PTGIR: variants seen among roughly 807,000 people sequenced by gnomAD.
PTGIR encodes the protein prostaglandin I2 receptor.
In PTGIR, 16 loss-of-function variants were observed where a neutral mutation model predicts 17.6. The observed-to-expected ratio is 0.91, with a 90% CI of 0.61 to 1.38. The LOEUF is 1.38. Among genes scored for constraint, PTGIR ranks in the 40% most tolerant of loss-of-function variants. The pLI is 0.00. For missense variants in PTGIR, 532 were observed against 548.6 expected (o/e 0.97, Z 0.30); for synonymous variants, 274 against 255.4 (o/e 1.07, Z -0.69).
downstream of PTGIR, among the ~76,000 whole-genome samples, chr19:46,619,658 G>GAAAGA (rs1568675972): frequency 3.0e-3 from 340 of 114,290 alleles, 2 homozygotes; most frequent in South Asian, 5.3e-3. Context: ...AGAAAGAAAA[G>GAAAGA]AAAGAAAGAA....
chr19:46,619,547 AAGAGAGAGAG>A (rs200797814), downstream of PTGIR, among the ~76,000 whole-genome samples: 277 of 87,866 alleles, frequency 3.2e-3, 5 homozygotes, highest in African/African-American at 9.5e-3. Flanking sequence ...GAAAGAAAGA[AAGAGAGAGAG>A]AGAGAGAGAG....
rs1373951903 is a variant in PTGIR, at chr19:46,621,401, A to G, written c.1040T>C (p.Val347Ala). ...SAPVGKEGSC[V>A]PLSAWGEGQV... ...CCCCTCGCCCCAAGCCGACAAAGGC[A>G]CGCAGCTCCCCTCCTTTCCCACAGG... The change falls in exon 3 of 3, where the codon GTG (valine) becomes GCG (alanine). Residue 347 changes from valine to alanine, a missense_variant. Transcript: ENST00000291294. This position sits in a 1 kb window ranked among gnomAD's most constrained non-coding sequence, Gnocchi z 4.8. 1 of 1,602,298 alleles carries G rather than the reference A, an allele frequency of 6.2e-7. No individual in the cohort carries two copies. The highest frequency in any genetic ancestry group is 1.3e-5 in the African/African-American group (1 of 74,772).
At position 46,620,761 on chromosome 19, in the gene PTGIR, T is replaced by C. The variant is rs774408162; in HGVS notation, c.*519A>G. ...TTTGGGATGCCAGGGCTCCCAAGCCTGGTGGGGGACCAGCGGCAAGGGAAG... is the reference window on the plus strand; with the variant it reads ...TTTGGGATGCCAGGGCTCCCAAGCCCGGTGGGGGACCAGCGGCAAGGGAAG... On this transcript the variant is annotated 3_prime_UTR_variant, in exon 3 of 3. Coordinates refer to ENST00000291294, the MANE Select transcript of PTGIR (RefSeq NM_000960.4). 2.3e-5 allele frequency: 23 copies of C among 985,944 alleles called. No homozygotes were observed. Among genetic ancestry groups the C allele is most frequent in the Non-Finnish European group, 2.8e-5 (23 of 830,074 alleles). The allele number at this position is 985,944 out of a possible 1,614,324, so 61.1% of individuals were successfully genotyped here.
chr19:46,612,659 C>A, the PTGIR span, among the ~76,000 whole-genome samples: 2 of 152,216 alleles, frequency 1.3e-5, no homozygotes, highest in African/African-American at 4.8e-5. Flanking sequence ...AACAGACAGA[C>A]TTCAGGCAGG....
chr19:46,624,085 C>T lies in PTGIR; in HGVS notation c.141G>A (p.Ser47=), dbSNP rs767830404. ...GTCCGGTCACCAGCACCGCGAAGGCCGAGGGGCGCGCCGGTCGCCGTGCGC... is the reference window on the plus strand; with the variant it reads ...GTCCGGTCACCAGCACCGCGAAGGCTGAGGGGCGCGCCGGTCGCCGTGCGC... ...ILSARRPARP[S]AFAVLVTGLA... is the part of the protein sequence containing the mutation. Residue 47 remains serine (S), a synonymous_variant, in exon 2 of 3, where the codon TCG becomes TCA. Transcript: ENST00000291294. 9.7e-6 allele frequency: 15 copies of T among 1,541,062 alleles called. No individual in the cohort carries two copies. The highest frequency in any genetic ancestry group is 1.2e-5 in the Non-Finnish European group (14 of 1,148,608).
rs376748701 is a variant in PTGIR at position 46,623,188 on chromosome 19, G to T, written c.768+270C>A. The stretch of plus-strand genomic sequence containing the variant: ...TTTGTTGTATTTTTAGTAGAGACAG[G>T]GTTTCATCATGTTGGCCAGACTGGT... On this transcript the variant is annotated intron_variant, in intron 2 of 2. Transcript: ENST00000291294. The T allele has an allele frequency of 8.8e-5, 29 of 328,746 alleles. No individual in the cohort carries two copies. In the South Asian group the frequency reaches 9.6e-4, roughly 11 times the overall value. 20.4% of individuals were successfully genotyped at this position (328,746 alleles called of 1,614,324 possible). A position where few individuals can be genotyped will look rare whatever the true frequency, so the allele number is the denominator to read the frequency against.
chr19:46,611,441 G>A, the PTGIR span, among the ~76,000 whole-genome samples: 1 of 152,224 alleles, frequency 6.6e-6, no homozygotes, highest in African/African-American at 2.4e-5. Flanking sequence ...GAAAGGCATG[G>A]TCCTGAGCTC....
chr19:46,619,497 AAAAGAAAGAAAGAAAG>A (rs1176986063), downstream of PTGIR, among the ~76,000 whole-genome samples: 47 of 110,552 alleles, frequency 4.3e-4, no homozygotes, highest in Middle Eastern at 4.0e-3. Context: ...TCTGTCTCAA[AAAAGAAAGAAAGAAAG>A]AAAGAAAGAA....
At chr19:46,619,202 AG>A (rs1568674977), downstream of PTGIR, among the ~76,000 whole-genome samples, 3 of 152,054 alleles carry the variant, frequency 2.0e-5, no homozygotes, top group Non-Finnish European at 4.4e-5. Flanking sequence ...TTCTGTAGAA[AG>A]GACTTATTGC....
chr19:46,624,112 CA>C lies in PTGIR; in HGVS notation c.113del (p.Leu38ArgfsTer16). 1 of 1,539,308 alleles carries C rather than the reference CA, an allele frequency of 6.5e-7. No individual in the cohort carries two copies. The highest frequency in any genetic ancestry group is 8.7e-7 in the Non-Finnish European group (1 of 1,149,212). ...VVGNGLALGI[L>X]SARRPARPSA... The stretch of plus-strand genomic sequence containing the variant: ...AGGGGCGCGCCGGTCGCCGTGCGCT[CA>C]GGATGCCCAGGGCCAGCCCGTTGCC... On this transcript the variant is annotated frameshift_variant, in exon 2 of 3. Coordinates refer to ENST00000291294, the MANE Select transcript of PTGIR (RefSeq NM_000960.4). LOFTEE classifies it high-confidence loss of function.
the PTGIR span, among the ~76,000 whole-genome samples, chr19:46,613,813 T>A: frequency 6.6e-6 from 1 of 152,146 alleles, no homozygotes; most frequent in Non-Finnish European, 1.5e-5. Flanking sequence ...CCACACTTAC[T>A]GGAAGCAGCT....
chr19:46,614,425 T>C, the PTGIR span: 1 of 985,228 alleles, frequency 1.0e-6, no homozygotes, highest in Non-Finnish European at 1.2e-6. Flanking sequence ...GCTAGGGAGA[T>C]GGGAATGAAT....
At chr19:46,624,547 T>A (rs977410419) in intron 1 of PTGIR, 2 of 241,992 alleles carry the variant, frequency 8.3e-6, no homozygotes, top group Non-Finnish European at 1.6e-5. Flanking sequence ...CTCCACCTCC[T>A]GGGTTCAAGC....
chr19:46,624,461 T>C (rs1248460734), intron 1 of PTGIR: 16 of 436,788 alleles, frequency 3.7e-5, no homozygotes, highest in Non-Finnish European at 6.4e-5. Context: ...TTTCTTTTCT[T>C]TCGTTTCTTT....
At chr19:46,616,404 G>A (rs1195118951), downstream of PTGIR, among the ~76,000 whole-genome samples, 1 of 141,176 alleles carries the variant, frequency 7.1e-6, no homozygotes, top group Non-Finnish European at 1.5e-5. Context: ...CGTGATCTCG[G>A]CTCACTGCAA....
At chr19:46,614,377 C>A in the PTGIR span, 168 of 985,144 alleles carry the variant, frequency 1.7e-4, no homozygotes, top group Non-Finnish European at 1.9e-4. Context: ...AATCTGTGTG[C>A]GCCGGTGTTT....
chr19:46,620,759 C>T lies in PTGIR; in HGVS notation c.*521G>A. The T allele has an allele frequency of 1.0e-6, 1 of 986,106 alleles. No homozygotes were observed. 61.1% of individuals were successfully genotyped at this position (986,106 alleles called of 1,614,324 possible). A position where few individuals can be genotyped will look rare whatever the true frequency, so the allele number is the denominator to read the frequency against. ...CCTTTGGGATGCCAGGGCTCCCAAG[C>T]CTGGTGGGGGACCAGCGGCAAGGGA... On this transcript the variant is annotated 3_prime_UTR_variant, in exon 3 of 3. Transcript: ENST00000291294.
In PTGIR at chr19:46,623,986, G is replaced by T. The variant is rs984045567; in HGVS notation, c.240C>A (p.Ser80=). ...GGCCGCCTCGGGCCAGGCCCAGCAG[G>T]GAGCTGTTGCGCGCATAGGCCACGA... The part of the protein sequence containing the change: ...AVFVAYARNS[S]LLGLARGGPA... Residue 80 remains serine, a synonymous_variant, in exon 2 of 3, where the codon TCC becomes TCA. Transcript: ENST00000291294. The T allele has an allele frequency of 2.6e-6, 4 of 1,564,346 alleles. No homozygotes were observed. Among genetic ancestry groups the T allele is most frequent in the Non-Finnish European group, 3.5e-6 (4 of 1,154,134 alleles).
At chr19:46,614,469 C>T in the PTGIR span, 2 of 976,416 alleles carry the variant, frequency 2.0e-6, no homozygotes, top group South Asian at 4.7e-5. Context: ...AATCAAGTCC[C>T]CTTGAGTCCC....
Sources: gnomAD v4.1 joint callset for allele counts (sites outside exome capture counted in the v4.1 genomes callset) on GRCh38, gnomAD v4.1.1 for gene constraint, Gnocchi (gnomAD v3.1) non-coding constraint, MANE v1.5 for transcripts, NCBI Gene and HGNC (gene_info 2026-07-23, HGNC 2026-07-21) for gene names.